MACROD2: variants seen among roughly 807,000 people sequenced by gnomAD.
The protein encoded by MACROD2 is ADP-ribose glycohydrolase MACROD2.
A neutral mutation model predicts 70.4 loss-of-function variants in MACROD2; 36 were observed. That is an observed-to-expected ratio of 0.51 (90% confidence interval 0.39 to 0.68). The LOEUF (loss-of-function observed/expected upper bound fraction) is 0.68. Ranked by LOEUF, MACROD2 falls within the 30% of genes least tolerant of loss-of-function variation. MACROD2 has a pLI of 0.00. For missense variants in MACROD2, 496 were observed against 538.4 expected, an observed-to-expected ratio of 0.92 and a Z score of 0.78; for synonymous variants, 172 against 178.8, an observed-to-expected ratio of 0.96 and a Z score of 0.30.
At chr20:15,848,679 G>A (rs1245519748) in intron 8 of MACROD2, among the ~76,000 whole-genome samples, 2 of 152,184 alleles carry the variant, frequency 1.3e-5, no homozygotes, top group East Asian at 1.9e-4. Context: ...ACAACCTACA[G>A]AGGGTAAGAG....
At chr20:15,477,100 T>G (rs558112855) in intron 7 of MACROD2, among the ~76,000 whole-genome samples, 2 of 9,276 alleles carry the variant, frequency 2.2e-4, no homozygotes, top group South Asian at 6.0e-3. Context: ...CTATTTTTAG[T>G]TTTTTTTTTT....
intron 3 of MACROD2, among the ~76,000 whole-genome samples, chr20:14,110,019 C>A (rs935888662): frequency 3.3e-5 from 5 of 151,734 alleles, no homozygotes; most frequent in Admixed American, 6.6e-5. Flanking sequence ...ATTAAAAAAA[C>A]CATTTATCAT....
Position 14,039,115 on chromosome 20 carries a change from A to C in MACROD2, c.163+36711A>C, listed in dbSNP as rs538844888. Among the ~76,000 whole-genome samples the C allele has an allele frequency of 3.9e-5, 6 of 152,286 alleles. No individual in the cohort carries two copies. In the South Asian group the frequency reaches 1.2e-3, roughly 32 times the overall value. ...TTTTAAAGTACCATTTCTAGTTCTAAAGATTGGTGAGGGTGGAAATATTAA... is the reference window on the plus strand; with the variant it reads ...TTTTAAAGTACCATTTCTAGTTCTACAGATTGGTGAGGGTGGAAATATTAA... On this transcript the variant is annotated intron_variant, in intron 2 of 17. Transcript: ENST00000684519.
chr20:14,312,818 G>A (rs907913940), intron 3 of MACROD2, among the ~76,000 whole-genome samples: 2 of 152,204 alleles, frequency 1.3e-5, no homozygotes, highest in African/African-American at 4.8e-5. Flanking sequence ...GAGTTGCCCT[G>A]CTAGTAAGTG....
chr20:15,883,481 T>C (rs1441809056), intron 9 of MACROD2, among the ~76,000 whole-genome samples: 1 of 152,136 alleles, frequency 6.6e-6, no homozygotes, highest in African/African-American at 2.4e-5. Context: ...TTCTAAAATA[T>C]TTCCATGGTA....
chr20:16,045,390 C>G (rs2067366189), intron 17 of MACROD2, among the ~76,000 whole-genome samples: 1 of 152,106 alleles, frequency 6.6e-6, no homozygotes, highest in African/African-American at 2.4e-5. Flanking sequence ...GCCAATACAT[C>G]AAGAGACAAC....
At chr20:14,886,289 T>G (rs913481233) in intron 5 of MACROD2, among the ~76,000 whole-genome samples, 1 of 152,062 alleles carries the variant, frequency 6.6e-6, no homozygotes, top group Non-Finnish European at 1.5e-5. Context: ...TGGGCCACTG[T>G]GTTTAAGGCG....
intron 3 of MACROD2, among the ~76,000 whole-genome samples, chr20:14,355,298 A>G (rs2083161987): frequency 6.6e-6 from 1 of 152,180 alleles, no homozygotes; most frequent in Non-Finnish European, 1.5e-5. Flanking sequence ...TAATGTCTTA[A>G]ATGATAACTA....
intron 5 of MACROD2, among the ~76,000 whole-genome samples, chr20:14,869,697 T>C (rs945200626): frequency 1.1e-4 from 17 of 152,176 alleles, no homozygotes; most frequent in Admixed American, 1.0e-3. Context: ...CAAGGAATAA[T>C]TTGAAGAAAT....
At chr20:15,578,924 A>G (rs1025873942) in intron 8 of MACROD2, among the ~76,000 whole-genome samples, 6 of 152,208 alleles carry the variant, frequency 3.9e-5, no homozygotes, top group East Asian at 1.9e-4. Flanking sequence ...ACAGATAGAT[A>G]TAGCGATATG....
intron 6 of MACROD2, among the ~76,000 whole-genome samples, chr20:15,285,887 G>T (rs1442996824): frequency 6.7e-6 from 1 of 150,054 alleles, no homozygotes; most frequent in Non-Finnish European, 1.5e-5. Context: ...TCCATTTTTT[G>T]GGGGGGTTGC....
chr20:15,678,197 T>G (rs1370730880), intron 8 of MACROD2, among the ~76,000 whole-genome samples: 1 of 152,206 alleles, frequency 6.6e-6, no homozygotes, highest in African/African-American at 2.4e-5. Flanking sequence ...TGAATTAGTG[T>G]GTAAACCAAA....
At chr20:15,397,256 C>G (rs7261437) in intron 6 of MACROD2, among the ~76,000 whole-genome samples, 5,141 of 152,150 alleles carry the variant, frequency 0.034, 150 homozygotes, top group Admixed American at 0.077. Context: ...ACTGTAGATA[C>G]TATTTTAGCT....
Position 15,987,060 on chromosome 20 carries a change from A to G in MACROD2, c.1061-6A>G, listed in dbSNP as rs2066495060. On this transcript the variant is annotated splice_region_variant and splice_polypyrimidine_tract_variant and intron_variant, in intron 14 of 17. Transcript: ENST00000684519. Reference sequence around the variant, plus strand: ...CCTGAGTGTCCATCTGTCTCATTCTATTTAGAACTTTCATCAAACCAAGAA... The same window carrying G: ...CCTGAGTGTCCATCTGTCTCATTCTGTTTAGAACTTTCATCAAACCAAGAA... The G allele has an allele frequency of 6.2e-7, 1 of 1,606,598 alleles. No homozygotes were observed. Among genetic ancestry groups the G allele is most frequent in the African/African-American group, 1.3e-5 (1 of 74,388 alleles).
chr20:15,554,966 C>A (rs773572259), intron 8 of MACROD2, among the ~76,000 whole-genome samples: 1 of 152,210 alleles, frequency 6.6e-6, no homozygotes, highest in African/African-American at 2.4e-5. Context: ...GGGAGAGAAA[C>A]CCCTGCTTCT....
intron 3 of MACROD2, among the ~76,000 whole-genome samples, chr20:14,273,915 G>A (rs372147481): frequency 1.4e-4 from 21 of 152,010 alleles, no homozygotes; most frequent in South Asian, 2.1e-4. Flanking sequence ...TAAATTCCTC[G>A]ACACATACAC....
intron 5 of MACROD2, among the ~76,000 whole-genome samples, chr20:14,958,579 A>G (rs1384634368): frequency 6.6e-6 from 1 of 152,154 alleles, no homozygotes; most frequent in African/African-American, 2.4e-5. Context: ...TCACCCTTAG[A>G]GCTTCTGGAA....
chr20:15,642,594 A>T (rs545860750), intron 8 of MACROD2, among the ~76,000 whole-genome samples: 2 of 68,718 alleles, frequency 2.9e-5, no homozygotes, highest in African/African-American at 1.1e-4. Context: ...TGTACCTGTC[A>T]TGAACACACA....
chr20:15,166,365 C>G (rs1417912812), intron 5 of MACROD2, among the ~76,000 whole-genome samples: 2 of 152,124 alleles, frequency 1.3e-5, no homozygotes, highest in African/African-American at 2.4e-5. Flanking sequence ...ACAGAAGGCT[C>G]TCTCTTTTCT....
Sources: allele counts gnomAD v4.1 joint callset (sites outside exome capture counted in the v4.1 genomes callset), GRCh38; gene constraint gnomAD v4.1.1; transcripts MANE v1.5; gene names NCBI Gene and HGNC (gene_info 2026-07-23, HGNC 2026-07-21).